PYGO1: variants seen among roughly 807,000 people sequenced by gnomAD.
PYGO1 encodes pygopus family PHD finger 1.
A neutral mutation model predicts 29.5 loss-of-function variants in PYGO1; 6 were observed. The ratio of observed to expected loss-of-function variants is 0.20; its 90% CI spans 0.11 to 0.40. The LOEUF (loss-of-function observed/expected upper bound fraction) is 0.40. Among genes scored for constraint, PYGO1 ranks in the 10% least tolerant of loss-of-function variants. The pLI is 1.00. For missense variants in PYGO1, 515 were observed against 514.9 expected (o/e 1.00, Z 0.00); for synonymous variants, 186 against 180.5 (o/e 1.03, Z -0.24).
Position 55,541,490 on chromosome 15 carries a change from G to A in PYGO1, c.*4533C>T, listed in dbSNP as rs2058827869. 6.6e-6 allele frequency: 1 copy of A among 152,028 alleles called. No homozygotes were observed. The highest frequency in any genetic ancestry group is 2.4e-5 in the African/African-American group (1 of 41,396). The allele number at this position is 152,028 out of a possible 1,614,324, so 9.4% of individuals were successfully genotyped here. The stretch of plus-strand genomic sequence containing the variant: ...CTGCTTCCCATGGTATCTGAAATGC[G>A]GTCATATTGTCTGAAATGTTAGATA... On this transcript the variant is annotated 3_prime_UTR_variant, in exon 3 of 3. Transcript: ENST00000563719.
At chr15:55,550,777 G>A (rs2058875561) in intron 1 of PYGO1, among the ~76,000 whole-genome samples, 1 of 152,150 alleles carries the variant, frequency 6.6e-6, no homozygotes, top group Admixed American at 6.5e-5. Context: ...AGTCTGGAAT[G>A]TTTGATATAT....
intron 1 of PYGO1, 145 bp downstream of exon 1, chr15:55,587,690 C>T: frequency 2.6e-6 from 3 of 1,167,032 alleles, no homozygotes; most frequent in Non-Finnish European, 3.2e-6. Context: ...GCTCGGATCG[C>T]AGCCTCGGCC....
At chr15:55,551,775 C>T (rs1168294807) in intron 1 of PYGO1, among the ~76,000 whole-genome samples, 1 of 152,086 alleles carries the variant, frequency 6.6e-6, no homozygotes, top group East Asian at 1.9e-4. Context: ...CCACTGCACT[C>T]TAGCCTGGGC....
In PYGO1 at chr15:55,546,691, G is replaced by T; in HGVS notation, c.592C>A (p.Pro198Thr). 6.2e-7 allele frequency: 1 copy of T among 1,613,930 alleles called. No homozygotes were observed. Among genetic ancestry groups the T allele is most frequent in the East Asian group, 2.2e-5 (1 of 44,876 alleles). ...GGAACAAAATTAGATGCCAAATCGG[G>T]GTTAGAAACTTGGCTAGCATTCTGT... ...PPQNASQVSN[P>T]DLASNFVPGN... Residue 198 changes from proline (P) to threonine (T), a missense_variant, in exon 3 of 3, where the codon CCC (proline) becomes ACC (threonine). By Grantham distance (38) the Pro-to-Thr change is conservative. Transcript: ENST00000563719.
At chr15:55,582,052 C>T (rs1399198770) in intron 1 of PYGO1, among the ~76,000 whole-genome samples, 3 of 151,666 alleles carry the variant, frequency 2.0e-5, no homozygotes, top group Non-Finnish European at 4.4e-5. Flanking sequence ...ACTAAACATA[C>T]AAAAATTAGC....
intron 1 of PYGO1, among the ~76,000 whole-genome samples, chr15:55,551,231 T>C (rs1361040817): frequency 6.6e-6 from 1 of 152,200 alleles, no homozygotes; most frequent in African/African-American, 2.4e-5. Flanking sequence ...TTCTGTTTTT[T>C]TGCAAGGCTG....
At chr15:55,551,629 C>T (rs1342749440) in intron 1 of PYGO1, among the ~76,000 whole-genome samples, 1 of 151,886 alleles carries the variant, frequency 6.6e-6, no homozygotes, top group Non-Finnish European at 1.5e-5. Flanking sequence ...GATCCCACCT[C>T]TACATTAAAA....
In PYGO1 at chr15:55,542,244, A is replaced by AT. The variant is rs1229319214; in HGVS notation, c.*3778dup. 6.6e-6 allele frequency: 1 copy of AT among 152,214 alleles called. No homozygotes were observed. The highest frequency in any genetic ancestry group is 1.5e-5 in the Non-Finnish European group (1 of 68,030). The allele number at this position is 152,214 out of a possible 1,614,324, so 9.4% of individuals were successfully genotyped here. ...ATGAAGACTCTTGATACTTATTTGG[A>AT]TTAAAGTTGGCAGATTTTATGATGA... On this transcript the variant is annotated 3_prime_UTR_variant, in exon 3 of 3. Transcript: ENST00000563719.
chr15:55,554,468 C>CAAAAAAAAAAAAAAA (rs56216226), intron 1 of PYGO1, among the ~76,000 whole-genome samples: 136 of 122,852 alleles, frequency 1.1e-3, no homozygotes, highest in East Asian at 2.9e-3. Flanking sequence ...GACTCTGTCT[C>CAAAAAAAAAAAAAAA]AAAAAAAAAA....
At position 55,545,925 on chromosome 15, in the gene PYGO1, G is replaced by A; in HGVS notation, c.*98C>T. On this transcript the variant is annotated 3_prime_UTR_variant, in exon 3 of 3. Coordinates refer to ENST00000563719, the MANE Select transcript of PYGO1 (RefSeq NM_001367806.1). ...AAAACTAAGTAAATAATGTTTTTGT[G>A]TATGCATTTAAAAAAATAATGTAAA... 1 of 1,283,680 alleles carries A rather than the reference G, an allele frequency of 7.8e-7. No individual in the cohort carries two copies. The highest frequency in any genetic ancestry group is 1.1e-6 in the Non-Finnish European group (1 of 934,664). The allele number at this position is 1,283,680 out of a possible 1,614,324, so 79.5% of individuals were successfully genotyped here.
chr15:55,563,959 G>C (rs1465483080), intron 1 of PYGO1, among the ~76,000 whole-genome samples: 1 of 152,170 alleles, frequency 6.6e-6, no homozygotes, highest in Non-Finnish European at 1.5e-5. Context: ...TTGCAGGTGG[G>C]AATGTAAAAT....
intron 1 of PYGO1, among the ~76,000 whole-genome samples, chr15:55,584,309 G>C (rs1366892240): frequency 6.6e-6 from 1 of 151,906 alleles, no homozygotes; most frequent in Non-Finnish European, 1.5e-5. Flanking sequence ...AGTAGAGACA[G>C]GTTGTCGTCC....
rs56216226 is a variant in PYGO1 at position 55,554,468 on chromosome 15, CAAAAAAAAAAAA to C, written c.50-5485_50-5474del. Among the ~76,000 whole-genome samples the C allele has an allele frequency of 1.3e-3, 154 of 122,842 alleles. 2 individuals carry two copies. Among genetic ancestry groups the C allele is most frequent in the East Asian group, 9.6e-3 (30 of 3,122 alleles). The allele number at this position is 122,842 out of a possible 152,430, so 80.6% of individuals were successfully genotyped here. On this transcript the variant is annotated intron_variant, in intron 1 of 2. Transcript: ENST00000563719. ...TGGGTGACAGAGCAAGACTCTGTCT[CAAAAAAAAAAAA>C]AAAAAAAAAAAAAGAAAGAAAGAAC...
chr15:55,568,764 T>C (rs537823250), intron 1 of PYGO1, among the ~76,000 whole-genome samples: 21 of 152,268 alleles, frequency 1.4e-4, no homozygotes, highest in Admixed American at 3.3e-4. Flanking sequence ...AGTATGTTCG[T>C]TCGATGCCTA....
chr15:55,565,579 G>A (rs899823372), intron 1 of PYGO1, among the ~76,000 whole-genome samples: 1 of 151,784 alleles, frequency 6.6e-6, no homozygotes, highest in Non-Finnish European at 1.5e-5. Context: ...AGCCAGGCTG[G>A]TAGCGGGCAC....
At chr15:55,566,722 T>C (rs2058958440) in intron 1 of PYGO1, among the ~76,000 whole-genome samples, 1 of 152,212 alleles carries the variant, frequency 6.6e-6, no homozygotes. Flanking sequence ...TCCACAGGCC[T>C]TATCAACACC....
In PYGO1 at chr15:55,588,138, TG is replaced by T. The variant is rs1425398735; in HGVS notation, c.-256del. On this transcript the variant is annotated 5_prime_UTR_variant, in exon 1 of 3. It removes the in-frame stop codon of an upstream open reading frame in the 5' UTR. Coordinates refer to ENST00000563719, the MANE Select transcript of PYGO1 (RefSeq NM_001367806.1). ...AGCGGCGGTGGCCGGGAGCGCGGCCTGGGGGCGGCCCCCCACCCGGGGCCGG... is the reference window on the plus strand; with the variant it reads ...AGCGGCGGTGGCCGGGAGCGCGGCCTGGGGCGGCCCCCCACCCGGGGCCGG... 7.4e-6 allele frequency: 5 copies of T among 678,316 alleles called. No individual in the cohort carries two copies. The East Asian group carries it at 5.6e-4, about 76-fold the overall frequency. The allele number at this position is 678,316 out of a possible 1,614,324, so 42.0% of individuals were successfully genotyped here.
intron 1 of PYGO1, among the ~76,000 whole-genome samples, chr15:55,574,831 T>C (rs2141671942): frequency 6.6e-6 from 1 of 152,366 alleles, no homozygotes; most frequent in East Asian, 1.9e-4. Context: ...TCTTTGTTTT[T>C]GTTCGTTCCT....
At chr15:55,588,490 C>T (rs1311956595), upstream of PYGO1, among the ~76,000 whole-genome samples, 1 of 146,932 alleles carries the variant, frequency 6.8e-6, no homozygotes, top group Non-Finnish European at 1.5e-5. Context: ...CCTCGTCCCG[C>T]GGCGCCTCCC....
Sources: allele counts gnomAD v4.1 joint callset (sites outside exome capture counted in the v4.1 genomes callset), GRCh38; gene constraint gnomAD v4.1.1; transcripts MANE v1.5; gene names NCBI Gene and HGNC (gene_info 2026-07-23, HGNC 2026-07-21).